PAPPA: variants seen among roughly 807,000 people sequenced by gnomAD.
PAPPA encodes the protein pappalysin-1.
In PAPPA, 60 loss-of-function variants were observed where a neutral mutation model predicts 164.0. The ratio of observed to expected loss-of-function variants is 0.37; its 90% CI spans 0.30 to 0.45. The LOEUF (loss-of-function observed/expected upper bound fraction) is 0.45. PAPPA is among the 20% of genes least tolerant of loss of function. The pLI is 1.00. For missense variants in PAPPA, 1,782 were observed against 2,087.3 expected (o/e 0.85, Z 2.85); for synonymous variants, 875 against 814.1 (o/e 1.07, Z -1.27).
intron 1 of PAPPA, among the ~76,000 whole-genome samples, chr9:116,169,504 G>A (rs1181963173): frequency 6.6e-6 from 1 of 151,048 alleles, no homozygotes; most frequent in Admixed American, 6.6e-5. Context: ...ATTTTTATTA[G>A]AGACAGGGCT....
rs35407884 is a variant in PAPPA, at chr9:116,227,464, A to G, written c.2145A>G (p.Glu715=). Residue 715 remains glutamate, a synonymous_variant, in exon 6 of 22, where the codon GAA becomes GAG. Transcript: ENST00000328252. ...ELGSACHLCL[E]GRILVQYASN... ...GATCAGCATGTCATCTTTGCCTGGA[A>G]GGGAGAATCCTGGTGCAGTATGCTT... 1,306 of 1,614,074 alleles carry G rather than the reference A, an allele frequency of 8.1e-4. 10 individuals carry two copies. In the African/African-American group the frequency reaches 0.015, roughly 19 times the overall value.
intron 2 of PAPPA, among the ~76,000 whole-genome samples, chr9:116,188,724 A>G (rs570104037): frequency 1.3e-5 from 2 of 152,332 alleles, no homozygotes; most frequent in Non-Finnish European, 2.9e-5. Context: ...CAGTCATCAC[A>G]GAAAGTTCTG....
intron 21 of PAPPA, among the ~76,000 whole-genome samples, chr9:116,384,283 T>TAATAATAAC (rs1338481210): frequency 1.4e-5 from 2 of 147,496 alleles, no homozygotes; most frequent in Non-Finnish European, 3.0e-5. Flanking sequence ...ATAATAATAA[T>TAATAATAAC]AATAATAATA....
At chr9:116,344,519 T>C (rs1169888446) in intron 13 of PAPPA, 24 bp from the exon 14 acceptor site, 1 of 1,602,616 alleles carries the variant, frequency 6.2e-7, no homozygotes, top group Non-Finnish European at 8.5e-7. Flanking sequence ...GACTCCTTCT[T>C]CCCCTCGTTT....
At chr9:116,284,721 C>T (rs1845311450) in intron 9 of PAPPA, among the ~76,000 whole-genome samples, 1 of 152,072 alleles carries the variant, frequency 6.6e-6, no homozygotes, top group African/African-American at 2.4e-5. Flanking sequence ...GCCAACCAGA[C>T]ATTTAAACAG....
chr9:116,355,855 C>G (rs1317787981), intron 17 of PAPPA, among the ~76,000 whole-genome samples: 1 of 152,260 alleles, frequency 6.6e-6, no homozygotes, highest in South Asian at 2.1e-4. Context: ...TGAGGGTGTG[C>G]GTGCCAAATG....
chr9:116,215,507 C>G (rs10983080), intron 4 of PAPPA, among the ~76,000 whole-genome samples: 13,444 of 152,198 alleles, frequency 0.088, 802 homozygotes, highest in Non-Finnish European at 0.14. Flanking sequence ...AACCAAACAC[C>G]ACATGTTCTC....
chr9:116,176,376 G>A (rs1281549214), intron 1 of PAPPA, among the ~76,000 whole-genome samples: 1 of 152,210 alleles, frequency 6.6e-6, no homozygotes, highest in East Asian at 1.9e-4. Flanking sequence ...TTCACAGGCT[G>A]TATAAGGGAG....
chr9:116,374,873 G>A (rs1438705472), intron 19 of PAPPA, among the ~76,000 whole-genome samples: 1 of 152,262 alleles, frequency 6.6e-6, no homozygotes, highest in African/African-American at 2.4e-5. Flanking sequence ...CCATGGCTGG[G>A]AGGCAGAGGG....
chr9:116,230,609 A>G (rs1844578838), intron 6 of PAPPA, among the ~76,000 whole-genome samples: 1 of 152,206 alleles, frequency 6.6e-6, no homozygotes, highest in African/African-American at 2.4e-5. Flanking sequence ...ATAATCCCAT[A>G]TTAACTAGCA....
chr9:116,180,129 C>G (rs992462433), intron 1 of PAPPA, among the ~76,000 whole-genome samples: 1 of 152,070 alleles, frequency 6.6e-6, no homozygotes, highest in African/African-American at 2.4e-5. Context: ...TCGCTGGGAT[C>G]TTGGAGTCAC....
chr9:116,238,400 G>A (rs1844696728), intron 7 of PAPPA, among the ~76,000 whole-genome samples: 1 of 152,148 alleles, frequency 6.6e-6, no homozygotes, highest in Non-Finnish European at 1.5e-5. Flanking sequence ...TTATCTCCAA[G>A]GCCAGGAATC....
At position 116,398,526 on chromosome 9, in the gene PAPPA, T is replaced by C; in HGVS notation, c.*1910T>C. ...CCAAAAATAACTTTAGGAACCACCA[T>C]ATTATATCACTCCCAATAGCACTGA... On this transcript the variant is annotated 3_prime_UTR_variant, in exon 22 of 22. Coordinates refer to ENST00000328252, the MANE Select transcript of PAPPA (RefSeq NM_002581.5). 2 of 1,221,278 alleles carry C rather than the reference T, an allele frequency of 1.6e-6. No individual in the cohort carries two copies. The highest frequency in any genetic ancestry group is 2.1e-6 in the Non-Finnish European group (2 of 941,184). 75.7% of individuals were successfully genotyped at this position (1,221,278 alleles called of 1,614,324 possible). A position where few individuals can be genotyped will look rare whatever the true frequency, so the allele number is the denominator to read the frequency against.
chr9:116,376,545 T>A (rs1030646548), intron 19 of PAPPA, among the ~76,000 whole-genome samples: 9 of 152,196 alleles, frequency 5.9e-5, no homozygotes, highest in Admixed American at 5.2e-4. Context: ...ACAAGATTAA[T>A]GCCCACCTCA....
intron 17 of PAPPA, among the ~76,000 whole-genome samples, chr9:116,360,754 G>C (rs993109168): frequency 6.6e-6 from 1 of 152,160 alleles, no homozygotes; most frequent in African/African-American, 2.4e-5. Flanking sequence ...ATTAAGTGAT[G>C]AATGAATGCA....
At position 116,377,603 on chromosome 9, in the gene PAPPA, T is replaced by G; in HGVS notation, c.4633T>G (p.Trp1545Gly). Reference protein sequence around the residue: ...ERVVCTAGLKWYPHPALIHCV... With the variant: ...ERVVCTAGLKGYPHPALIHCV... ...AGTTGTCTGCACTGCTGGTCTCAAG[T>G]GGTATCCTCACCCTGCTCTGATTCA... The change falls in exon 20 of 22, where the codon TGG becomes GGG. Residue 1545 changes from tryptophan to glycine, a missense_variant. By Grantham distance (184) the Trp-to-Gly change is radical. Transcript: ENST00000328252. The G allele has an allele frequency of 6.2e-7, 1 of 1,613,932 alleles. No homozygotes were observed. Among genetic ancestry groups the G allele is most frequent in the Non-Finnish European group, 8.5e-7 (1 of 1,179,848 alleles).
intron 9 of PAPPA, chr9:116,286,288 C>T (rs41266653): frequency 6.6e-6 from 1 of 152,044 alleles, no homozygotes; most frequent in Non-Finnish European, 1.5e-5. Flanking sequence ...ATTTGGATCA[C>T]CCCATAAGAC....
chr9:116,253,212 T>G (rs2118784218), intron 7 of PAPPA, among the ~76,000 whole-genome samples: 1 of 152,218 alleles, frequency 6.6e-6, no homozygotes, highest in Admixed American at 6.5e-5. Flanking sequence ...TTTAAACCAC[T>G]ATTTGGTCTT....
chr9:116,250,068 A>C (rs1215143168), intron 7 of PAPPA, among the ~76,000 whole-genome samples: 1 of 151,732 alleles, frequency 6.6e-6, no homozygotes, highest in African/African-American at 2.4e-5. Context: ...GCAGGCAAAC[A>C]AAGACCTGTG....
Sources: gnomAD v4.1 joint callset for allele counts (sites outside exome capture counted in the v4.1 genomes callset) on GRCh38, gnomAD v4.1.1 for gene constraint, MANE v1.5 for transcripts, NCBI Gene and HGNC (gene_info 2026-07-23, HGNC 2026-07-21) for gene names.